The following ATXN7L1 variants were observed in gnomAD, a reference collection of about 807,000 sequenced individuals.
ATXN7L1 encodes the protein ataxin 7 like 1.
In ATXN7L1, 15 loss-of-function variants were observed where a neutral mutation model predicts 70.8. That is an observed-to-expected ratio of 0.21 (90% CI 0.14 to 0.33). ATXN7L1 has a LOEUF of 0.33. Among genes scored for constraint, ATXN7L1 ranks in the 10% least tolerant of loss-of-function variants. The probability of loss-of-function intolerance (pLI) is 1.00; values close to 1 mark genes in which losing one functional copy is unlikely to be tolerated. For missense variants in ATXN7L1, 975 were observed against 1,097.1 expected (o/e 0.89, Z 1.57); for synonymous variants, 440 against 445.1 (o/e 0.99, Z 0.14).
At chr7:105,744,396 A>C (rs1798343327) in intron 3 of ATXN7L1, among the ~76,000 whole-genome samples, 1 of 149,760 alleles carries the variant, frequency 6.7e-6, no homozygotes, top group African/African-American at 2.5e-5. Flanking sequence ...TATATTTAAC[A>C]TGCTCTGTGC....
intron 2 of ATXN7L1, among the ~76,000 whole-genome samples, chr7:105,853,461 G>A (rs1474298575): frequency 6.6e-6 from 1 of 152,192 alleles, no homozygotes; most frequent in Non-Finnish European, 1.5e-5. Context: ...GGCTGAGGCA[G>A]GAGAATCACT....
chr7:105,830,673 TC>T (rs1449168162), intron 2 of ATXN7L1, among the ~76,000 whole-genome samples: 5 of 152,320 alleles, frequency 3.3e-5, no homozygotes, highest in African/African-American at 1.2e-4. Context: ...AACCCATAAA[TC>T]AACAAATCTC....
chr7:105,643,577 A>G (rs1798569377), intron 4 of ATXN7L1, among the ~76,000 whole-genome samples: 1 of 152,174 alleles, frequency 6.6e-6, no homozygotes, highest in Admixed American at 6.5e-5. Context: ...ATCGGGCCTG[A>G]CATCTGCTTA....
At chr7:105,730,922 G>A (rs748616529) in intron 3 of ATXN7L1, among the ~76,000 whole-genome samples, 2 of 152,142 alleles carry the variant, frequency 1.3e-5, no homozygotes, top group Non-Finnish European at 1.5e-5. Flanking sequence ...CCACACTAAT[G>A]TAAGACGTTA....
In ATXN7L1 at chr7:105,605,389, C is replaced by T. The variant is rs1340970635; in HGVS notation, c.*2463G>A. 6.8e-6 allele frequency: 1 copy of T among 146,718 alleles called. No homozygotes were observed. Among genetic ancestry groups the T allele is most frequent in the African/African-American group, 2.5e-5 (1 of 39,568 alleles). The allele number at this position is 146,718 out of a possible 1,614,324, so 9.1% of individuals were successfully genotyped here. ...GACTGCCAAGGAAGAATACTGTGGGCTTTCCCTTTTTGCCCAGTTTTCCAG... is the reference window on the plus strand; with the variant it reads ...GACTGCCAAGGAAGAATACTGTGGGTTTTCCCTTTTTGCCCAGTTTTCCAG... On this transcript the variant is annotated 3_prime_UTR_variant, in exon 12 of 12. Coordinates refer to ENST00000419735, the MANE Select transcript of ATXN7L1 (RefSeq NM_020725.2).
intron 3 of ATXN7L1, among the ~76,000 whole-genome samples, chr7:105,677,573 G>A (rs959444144): frequency 1.3e-4 from 20 of 152,150 alleles, no homozygotes; most frequent in African/African-American, 4.8e-4. Flanking sequence ...ATTCACTGTG[G>A]AATAAATGGG....
intron 7 of ATXN7L1, among the ~76,000 whole-genome samples, chr7:105,627,535 C>CTTT (rs75673147): frequency 2.2e-4 from 29 of 134,362 alleles, no homozygotes; most frequent in African/African-American, 5.8e-4. Context: ...TGTGCTAGGC[C>CTTT]TTTTTTTTTT....
chr7:105,805,677 T>C (rs2116526124), intron 2 of ATXN7L1, among the ~76,000 whole-genome samples: 1 of 152,246 alleles, frequency 6.6e-6, no homozygotes, highest in East Asian at 1.9e-4. Flanking sequence ...CAGGGAGAGC[T>C]TCACCAGGAT....
chr7:105,744,239 C>T (rs149792841), intron 3 of ATXN7L1, among the ~76,000 whole-genome samples: 1 of 152,246 alleles, frequency 6.6e-6, no homozygotes, highest in East Asian at 1.9e-4. Flanking sequence ...AAAATGGCTA[C>T]CACATGCTGA....
chr7:105,828,495 A>G (rs1354136978), intron 2 of ATXN7L1, among the ~76,000 whole-genome samples: 1 of 152,124 alleles, frequency 6.6e-6, no homozygotes, highest in Admixed American at 6.5e-5. Context: ...AATACAACAA[A>G]GTCCCAGATA....
intron 3 of ATXN7L1, among the ~76,000 whole-genome samples, chr7:105,689,623 A>C (rs1195608068): frequency 1.3e-5 from 2 of 152,202 alleles, no homozygotes; most frequent in Non-Finnish European, 2.9e-5. Context: ...GTGGGCCGAA[A>C]GTCCTCCCGG....
chr7:105,805,500 T>C (rs1807440299), intron 2 of ATXN7L1, among the ~76,000 whole-genome samples: 2 of 152,312 alleles, frequency 1.3e-5, no homozygotes, highest in South Asian at 2.1e-4. Flanking sequence ...TTATTTATTG[T>C]CATTGATTAT....
chr7:105,714,708 G>T (rs1417878375), intron 3 of ATXN7L1, among the ~76,000 whole-genome samples: 1 of 152,146 alleles, frequency 6.6e-6, no homozygotes, highest in East Asian at 1.9e-4. Context: ...TGTCGCCCAC[G>T]CTGGAGTGCA....
At chr7:105,833,354 T>C (rs1811909464) in intron 2 of ATXN7L1, among the ~76,000 whole-genome samples, 6 of 152,208 alleles carry the variant, frequency 3.9e-5, no homozygotes, top group Admixed American at 3.9e-4. Context: ...CAGGGAATTC[T>C]GCAGTCCTGT....
intron 3 of ATXN7L1, among the ~76,000 whole-genome samples, chr7:105,731,735 T>G: frequency 3.7e-5 from 1 of 26,972 alleles, no homozygotes; most frequent in East Asian, 6.6e-3. Flanking sequence ...GCACCTGGGC[T>G]TTCTTACTCC....
At chr7:105,724,614 C>T (rs918336830) in intron 3 of ATXN7L1, among the ~76,000 whole-genome samples, 5 of 142,584 alleles carry the variant, frequency 3.5e-5, no homozygotes, top group East Asian at 4.2e-4. Flanking sequence ...GGAGGCCGGG[C>T]GTGGTGGCTC....
At chr7:105,702,378 C>T (rs1563019030) in intron 3 of ATXN7L1, among the ~76,000 whole-genome samples, 1 of 152,128 alleles carries the variant, frequency 6.6e-6, no homozygotes, top group South Asian at 2.1e-4. Context: ...TCTAGAAATA[C>T]AGAAATCATA....
intron 2 of ATXN7L1, chr7:105,819,513 G>T (rs1482241953): frequency 3.9e-6 from 5 of 1,289,230 alleles, no homozygotes; most frequent in Non-Finnish European, 4.5e-6. Context: ...GCAGGTCCTG[G>T]TGCTTGATGG....
intron 2 of ATXN7L1, among the ~76,000 whole-genome samples, chr7:105,851,917 C>A (rs1351693372): frequency 1.3e-5 from 2 of 152,188 alleles, no homozygotes; most frequent in Non-Finnish European, 2.9e-5. Context: ...TGTGTCTGTA[C>A]ACAGTAAGTG....
Sources: allele counts gnomAD v4.1 joint callset (sites outside exome capture counted in the v4.1 genomes callset), GRCh38; gene constraint gnomAD v4.1.1; transcripts MANE v1.5; gene names NCBI Gene and HGNC (gene_info 2026-07-23, HGNC 2026-07-21).